C4orf50: variants seen among roughly 807,000 people sequenced by gnomAD.
C4orf50 encodes chromosome 4 open reading frame 50.
C4orf50 carries 80 observed loss-of-function variants against 77.2 expected under a neutral mutation model. The ratio of observed to expected loss-of-function variants is 1.04; its 90% CI spans 0.87 to 1.25. The LOEUF is 1.25. Among genes scored for constraint, C4orf50 ranks in the 50% most tolerant of loss-of-function variants. The pLI is 0.00. For synonymous variants in C4orf50, 532 were observed against 465.3 expected (o/e 1.14, Z -1.84); for missense variants, 1,257 against 1,152.9 (o/e 1.09, Z -1.31).
intron 25 of C4orf50, among the ~76,000 whole-genome samples, chr4:6,004,675 T>C (rs867053340): frequency 3.7e-5 from 3 of 81,588 alleles, no homozygotes; most frequent in African/African-American, 1.4e-4. Flanking sequence ...GATGGTGATG[T>C]TGATGGTGGT....
chr4:5,993,033 C>G, intron 26 of C4orf50, 103 bp from the exon 5 acceptor site: 1 of 396,774 alleles, frequency 2.5e-6, no homozygotes, highest in East Asian at 3.6e-5. Context: ...AGATGGCACC[C>G]CCCCCACCCC....
chr4:5,932,435 C>G lies in C4orf50; in HGVS notation c.*2474+24466G>C, dbSNP rs949322390. On this transcript the variant is annotated intron_variant, in intron 7 of 7. Transcript: ENST00000324058. This position sits in a 1 kb window ranked among gnomAD's most constrained non-coding sequence, Gnocchi z 4.2. ...TCATCTACCTGGAGAAGGAAGGCAT[C>G]AGACTGTGGTGGGAACATTACAGTG... Among the ~76,000 whole-genome samples, 15 of 152,114 alleles carry G rather than the reference C, an allele frequency of 9.9e-5. No individual in the cohort carries two copies. The highest frequency in any genetic ancestry group is 3.6e-4 in the African/African-American group (15 of 41,408).
intron 7 of C4orf50, among the ~76,000 whole-genome samples, chr4:5,934,928 A>G (rs1577905363): frequency 6.6e-6 from 1 of 151,984 alleles, no homozygotes; most frequent in Non-Finnish European, 1.5e-5. Context: ...AGCTCCCTAC[A>G]CTTCTGGCTG....
chr4:5,905,027 G>C lies in C4orf50; in HGVS notation c.*2475-6839C>G, dbSNP rs1716490820. 6.6e-6 allele frequency: 1 copy of C among 152,198 alleles called. No homozygotes were observed. The highest frequency in any genetic ancestry group is 2.4e-5 in the African/African-American group (1 of 41,442). The allele number at this position is 152,198 out of a possible 1,614,324, so 9.4% of individuals were successfully genotyped here. On this transcript the variant is annotated intron_variant, in intron 7 of 7. Coordinates refer to the C4orf50 transcript ENST00000324058. This position sits in a 1 kb window ranked among gnomAD's most constrained non-coding sequence, Gnocchi z 5.4. ...TTGGAAAGAATCTTACAGTGTTCAG[G>C]TGCTTTTCCAGCCATTAGCTCATTT...
At chr4:5,973,823 C>T (rs758275202) in exon 31 of C4orf50, 49 of 1,611,762 alleles carry the variant, frequency 3.0e-5, no homozygotes, top group African/African-American at 8.0e-5. Flanking sequence ...CACTTCCGGA[C>T]GAGGGAAGCT....
intron 7 of C4orf50, among the ~76,000 whole-genome samples, chr4:5,927,965 G>T (rs1717592976): frequency 6.6e-6 from 1 of 152,102 alleles, no homozygotes; most frequent in African/African-American, 2.4e-5. Context: ...CCACTGATGT[G>T]TCCTGAGTTG....
intron 25 of C4orf50, among the ~76,000 whole-genome samples, chr4:6,004,856 G>A (rs1472235808): frequency 6.6e-6 from 1 of 152,064 alleles, no homozygotes; most frequent in Non-Finnish European, 1.5e-5. Flanking sequence ...GGTGATGGTG[G>A]TGATGATGCT....
chr4:5,945,052 T>G (rs1718422337), intron 7 of C4orf50, among the ~76,000 whole-genome samples: 1 of 152,042 alleles, frequency 6.6e-6, no homozygotes, highest in Non-Finnish European at 1.5e-5. Flanking sequence ...TGTCCCCACA[T>G]TTCCAAAATG....
chr4:6,017,177 C>A lies in C4orf50; in HGVS notation c.287+968G>T, dbSNP rs552187079. ...TACAGAGAGAAACGAATGCGGAGAA[C>A]CTATTTCAAAGATGACAGCAGAGTC... On this transcript the variant is annotated intron_variant, in intron 23 of 33. Coordinates refer to ENST00000531445, the Ensembl canonical transcript of C4orf50. The surrounding 1 kb of genome is among the most constrained non-coding windows in gnomAD (Gnocchi z 4.7). 2.6e-5 allele frequency among the ~76,000 whole-genome samples: 4 copies of A among 152,326 alleles called. No individual in the cohort carries two copies. The highest frequency in any genetic ancestry group is 9.6e-5 in the African/African-American group (4 of 41,576).
intron 7 of C4orf50, among the ~76,000 whole-genome samples, chr4:5,906,554 G>A (rs1716558522): frequency 6.6e-6 from 1 of 152,138 alleles, no homozygotes; most frequent in Non-Finnish European, 1.5e-5. Flanking sequence ...TGCAGAGAGG[G>A]ACCCTAGGAA....
chr4:5,960,309 C>T (rs1258065698), intron 33 of C4orf50, among the ~76,000 whole-genome samples: 1 of 152,220 alleles, frequency 6.6e-6, no homozygotes, highest in African/African-American at 2.4e-5. Context: ...CACCTTCCCG[C>T]AAATGACAGG....
At chr4:5,974,167 C>T (rs1175117176) in intron 30 of C4orf50, among the ~76,000 whole-genome samples, 1 of 152,208 alleles carries the variant, frequency 6.6e-6, no homozygotes, top group African/African-American at 2.4e-5. Flanking sequence ...TCGACTTGCC[C>T]ATCTGTACAA....
intron 32 of C4orf50, 28 bp downstream of exon 10, chr4:5,967,386 G>C (rs9997727): frequency 6.3e-7 from 1 of 1,594,966 alleles, no homozygotes; most frequent in Non-Finnish European, 8.6e-7. Flanking sequence ...GAGCACACAG[G>C]CTTTTCCTGA....
In C4orf50 at chr4:5,916,406, G is replaced by A. The variant is rs1560539787; in HGVS notation, c.*2475-18218C>T. ...CCCTGCCCACCACAGAGAAGGCTGG[G>A]AGCCAGGACCTGCCCCCAGAGCTCA... On this transcript the variant is annotated intron_variant, in intron 7 of 7. Transcript: ENST00000324058. The surrounding 1 kb of genome is among the most constrained non-coding windows in gnomAD (Gnocchi z 4.4). 6.6e-6 allele frequency among the ~76,000 whole-genome samples: 1 copy of A among 151,074 alleles called. No homozygotes were observed. The highest frequency in any genetic ancestry group is 1.9e-4 in the East Asian group (1 of 5,192).
At chr4:5,977,695 C>T (rs1297505819) in intron 29 of C4orf50, among the ~76,000 whole-genome samples, 5 of 152,192 alleles carry the variant, frequency 3.3e-5, no homozygotes, top group Non-Finnish European at 1.5e-5. Flanking sequence ...GCATTCCTAA[C>T]GTATTCAAAG....
chr4:6,016,863 A>C (rs1012261256), intron 23 of C4orf50, among the ~76,000 whole-genome samples: 1 of 152,222 alleles, frequency 6.6e-6, no homozygotes, highest in African/African-American at 2.4e-5. Flanking sequence ...GTCTGCCTTT[A>C]CTAAATCAAA....
Position 5,998,203 on chromosome 4 carries a change from G to T in C4orf50, c.964-3727C>A, listed in dbSNP as rs547579205. ...CAGGCCCTTTTAACCTTTGACAGATGTACAGAAGAAAACGGGATCCTGAGA... is the reference window on the plus strand; with the variant it reads ...CAGGCCCTTTTAACCTTTGACAGATTTACAGAAGAAAACGGGATCCTGAGA... On this transcript the variant is annotated intron_variant, in intron 25 of 33. Coordinates refer to ENST00000531445, the Ensembl canonical transcript of C4orf50. 2.0e-5 allele frequency among the ~76,000 whole-genome samples: 3 copies of T among 152,272 alleles called. No homozygotes were observed. The East Asian group carries it at 5.8e-4, about 29-fold the overall frequency.
rs1204303149 is a variant in C4orf50, at chr4:6,008,989, G to A, written c.427-457C>T. On this transcript the variant is annotated intron_variant, in intron 24 of 33. Coordinates refer to ENST00000531445, the Ensembl canonical transcript of C4orf50. The surrounding 1 kb of genome is among the most constrained non-coding windows in gnomAD (Gnocchi z 6.0). The stretch of plus-strand genomic sequence containing the variant: ...AGGGTCAATGCTTGGCCCACCCAGG[G>A]TCAGCTGGCCCCAGCAGGTGAGTCG... Among the ~76,000 whole-genome samples, 1 of 152,196 alleles carries A rather than the reference G, an allele frequency of 6.6e-6. No individual in the cohort carries two copies. Among genetic ancestry groups the A allele is most frequent in the Non-Finnish European group, 1.5e-5 (1 of 68,042 alleles).
intron 7 of C4orf50, among the ~76,000 whole-genome samples, chr4:5,944,770 A>G (rs1419034818): frequency 6.6e-6 from 1 of 152,190 alleles, no homozygotes; most frequent in Non-Finnish European, 1.5e-5. Flanking sequence ...GACAGGGCTC[A>G]GCGGCACGGT....
Sources: allele counts gnomAD v4.1 joint callset (sites outside exome capture counted in the v4.1 genomes callset), GRCh38; gene constraint gnomAD v4.1.1; non-coding constraint Gnocchi (gnomAD v3.1); transcripts MANE v1.5; gene names NCBI Gene and HGNC (gene_info 2026-07-23, HGNC 2026-07-21).